TRPM3: variants seen among roughly 807,000 people sequenced by gnomAD.
The protein encoded by TRPM3 is transient receptor potential cation channel subfamily M member 3.
TRPM3 carries 77 observed loss-of-function variants against 181.2 expected under a neutral mutation model. The ratio of observed to expected loss-of-function variants is 0.42; its 90% CI spans 0.35 to 0.51. TRPM3 has a LOEUF of 0.51. Ranked by LOEUF, TRPM3 falls within the 20% of genes least tolerant of loss-of-function variation. The pLI is 0.01. For synonymous variants in TRPM3, 745 were observed against 796.4 expected, an observed-to-expected ratio of 0.94 and a Z score of 1.09; for missense variants, 1,759 against 2,196.7, an observed-to-expected ratio of 0.80 and a Z score of 3.98.
intron 1 of TRPM3, among the ~76,000 whole-genome samples, chr9:71,265,210 T>C (rs934311877): frequency 6.6e-5 from 10 of 152,218 alleles, no homozygotes; most frequent in Admixed American, 5.2e-4. Context: ...CATTTTAAAG[T>C]ATCAAAATTT....
At chr9:70,992,242 A>G (rs762923780) in intron 1 of TRPM3, among the ~76,000 whole-genome samples, 1 of 152,182 alleles carries the variant, frequency 6.6e-6, no homozygotes, top group Non-Finnish European at 1.5e-5. Context: ...GAAGAAGTAA[A>G]TTTTGAGTTG....
At chr9:70,667,879 A>G (rs1486020361) in intron 9 of TRPM3, among the ~76,000 whole-genome samples, 1 of 152,180 alleles carries the variant, frequency 6.6e-6, no homozygotes, top group African/African-American at 2.4e-5. Context: ...CATGGCCCCA[A>G]CTTCTCTGCA....
intron 1 of TRPM3, among the ~76,000 whole-genome samples, chr9:71,400,569 A>G (rs1250310668): frequency 6.6e-6 from 1 of 152,104 alleles, no homozygotes; most frequent in East Asian, 1.9e-4. Flanking sequence ...AATAGAAAGT[A>G]TTTTTATTCT....
At chr9:71,127,683 A>C (rs664278) in intron 1 of TRPM3, among the ~76,000 whole-genome samples, 2 of 151,964 alleles carry the variant, frequency 1.3e-5, no homozygotes, top group African/African-American at 4.8e-5. Context: ...AATTACTTTT[A>C]TTGTTGTTAG....
At chr9:71,316,278 G>A (rs1049425399) in intron 1 of TRPM3, among the ~76,000 whole-genome samples, 13 of 152,092 alleles carry the variant, frequency 8.5e-5, no homozygotes, top group Admixed American at 3.3e-4. Flanking sequence ...CAACAGACAC[G>A]CTCTAAAACA....
At chr9:70,686,686 T>TTTCTTTCCTTCC (rs1554668987) in intron 8 of TRPM3, among the ~76,000 whole-genome samples, 2 of 58,826 alleles carry the variant, frequency 3.4e-5, no homozygotes, top group Non-Finnish European at 6.5e-5. Flanking sequence ...TCCTTCCTTC[T>TTTCTTTCCTTCC]TTCCTTCCTT....
chr9:71,078,903 C>T (rs564219736), intron 1 of TRPM3, among the ~76,000 whole-genome samples: 1 of 152,214 alleles, frequency 6.6e-6, no homozygotes, highest in African/African-American at 2.4e-5. Context: ...CCTTTTCTGC[C>T]CTGGCATCCT....
At chr9:71,179,595 G>A (rs551015484) in intron 1 of TRPM3, among the ~76,000 whole-genome samples, 2 of 152,258 alleles carry the variant, frequency 1.3e-5, no homozygotes, top group East Asian at 3.9e-4. Flanking sequence ...AATTTACTCT[G>A]TAGAAACTGA....
intron 12 of TRPM3, among the ~76,000 whole-genome samples, chr9:70,633,187 G>GTCC (rs2066214238): frequency 6.6e-6 from 1 of 152,152 alleles, no homozygotes; most frequent in Non-Finnish European, 1.5e-5. Context: ...TTAACTTAAG[G>GTCC]TGAAGGAGAG....
At chr9:71,249,638 GA>G (rs569782944) in intron 1 of TRPM3, among the ~76,000 whole-genome samples, 2 of 152,088 alleles carry the variant, frequency 1.3e-5, no homozygotes, top group East Asian at 1.9e-4. Context: ...GATAAAAAGG[GA>G]AAAAAATTAT....
intron 1 of TRPM3, among the ~76,000 whole-genome samples, chr9:71,072,303 T>G (rs913119662): frequency 6.6e-6 from 1 of 152,178 alleles, no homozygotes; most frequent in African/African-American, 2.4e-5. Context: ...TAAGTTAAGA[T>G]AGTTAAACCT....
intron 19 of TRPM3, among the ~76,000 whole-genome samples, chr9:70,605,933 T>G (rs1589217144): frequency 6.6e-6 from 1 of 152,240 alleles, no homozygotes; most frequent in Non-Finnish European, 1.5e-5. Flanking sequence ...CCTCTGCATT[T>G]TAATACTTAA....
chr9:70,850,217 T>C (rs2095169403), intron 3 of TRPM3, among the ~76,000 whole-genome samples: 1 of 152,182 alleles, frequency 6.6e-6, no homozygotes, highest in Admixed American at 6.5e-5. Flanking sequence ...CCAACTCTCA[T>C]GCAGAGGGCA....
chr9:70,772,036 T>C (rs1230931509), intron 7 of TRPM3, among the ~76,000 whole-genome samples: 1 of 152,108 alleles, frequency 6.6e-6, no homozygotes, highest in East Asian at 1.9e-4. Context: ...AAATACATAA[T>C]GCTGACTGGA....
At chr9:71,314,285 G>T (rs1386740319) in intron 1 of TRPM3, among the ~76,000 whole-genome samples, 1 of 151,868 alleles carries the variant, frequency 6.6e-6, no homozygotes, top group African/African-American at 2.4e-5. Context: ...TTTTATCAAA[G>T]AAAAATATCA....
intron 1 of TRPM3, among the ~76,000 whole-genome samples, chr9:71,388,205 T>G (rs78791568): frequency 0.012 from 1,863 of 152,278 alleles, 34 homozygotes; most frequent in African/African-American, 0.04. Context: ...GACTTTCATG[T>G]TTTTATGTTT....
chr9:71,318,473 A>G (rs2132449062), intron 1 of TRPM3, among the ~76,000 whole-genome samples: 1 of 152,328 alleles, frequency 6.6e-6, no homozygotes, highest in East Asian at 1.9e-4. Context: ...TGTCTACAAC[A>G]TATGCATTTC....
intron 1 of TRPM3, among the ~76,000 whole-genome samples, chr9:71,030,509 G>T (rs2057152226): frequency 6.6e-6 from 1 of 151,312 alleles, no homozygotes; most frequent in African/African-American, 2.4e-5. Context: ...AGGTTGCAGT[G>T]AGCCAAGATC....
intron 19 of TRPM3, among the ~76,000 whole-genome samples, chr9:70,606,850 A>C (rs1351133166): frequency 6.6e-6 from 1 of 152,164 alleles, no homozygotes; most frequent in Non-Finnish European, 1.5e-5. Flanking sequence ...AAACACAAGC[A>C]CTAAAGCCTG....
Sources: gnomAD v4.1 joint callset for allele counts (sites outside exome capture counted in the v4.1 genomes callset) on GRCh38, gnomAD v4.1.1 for gene constraint, MANE v1.5 for transcripts, NCBI Gene and HGNC (gene_info 2026-07-23, HGNC 2026-07-21) for gene names.